The following EIF4B variants were observed in gnomAD, a reference collection of about 807,000 sequenced individuals.
EIF4B encodes eukaryotic translation initiation factor 4B.
In EIF4B, 8 loss-of-function variants were observed where a neutral mutation model predicts 79.3. That is an observed-to-expected ratio of 0.10 (90% CI 0.06 to 0.18). The LOEUF (loss-of-function observed/expected upper bound fraction) is 0.18. EIF4B is among the 10% of genes least tolerant of loss of function. The probability of loss-of-function intolerance (pLI) is 1.00; values close to 1 mark genes in which losing one functional copy is unlikely to be tolerated. For missense variants in EIF4B, 515 were observed against 792.4 expected, an observed-to-expected ratio of 0.65 and a Z score of 4.20; for synonymous variants, 238 against 274.7, an observed-to-expected ratio of 0.87 and a Z score of 1.32.
chr12:53,033,779 T>C, intron 8 of EIF4B, 27 bp from the exon 9 acceptor site: 1 of 1,562,096 alleles, frequency 6.4e-7, no homozygotes, highest in Non-Finnish European at 8.6e-7. Context: ...ATTGGAAAAC[T>C]ATTACTTAAA....
chr12:53,025,741 A>G (rs761511965), intron 6 of EIF4B, among the ~76,000 whole-genome samples: 1 of 152,180 alleles, frequency 6.6e-6, no homozygotes, highest in Non-Finnish European at 1.5e-5. Flanking sequence ...ATACCAGGAA[A>G]TGTTATGTCT....
rs1369643306 is a variant in EIF4B, at chr12:53,016,505, T to G, written c.46T>G (p.Ser16Ala). 6.2e-7 allele frequency: 1 copy of G among 1,612,936 alleles called. No individual in the cohort carries two copies. The change falls in exon 2 of 15, where the codon TCC becomes GCC. Residue 16 changes from serine (S) to alanine (A), a missense_variant. Ser to Ala is a moderately conservative substitution (Grantham distance 99). This residue lies in a region of EIF4B where 105 missense variants were observed against 177.2 expected (regional missense o/e 0.59). Transcript: ENST00000262056. Reference protein sequence around the residue: ...KKKNKKGKTISLTDFLAEDGG... With the variant: ...KKKNKKGKTIALTDFLAEDGG... Reference sequence around the variant, plus strand: ...GAAGAATAAGAAGGGGAAGACTATCTCCCTAACAGACTTTCTGGCTGAGGA... The same window carrying G: ...GAAGAATAAGAAGGGGAAGACTATCGCCCTAACAGACTTTCTGGCTGAGGA...
intron 4 of EIF4B, 26 bp downstream of exon 4, chr12:53,020,052 G>A (rs761357071): frequency 1.3e-6 from 2 of 1,567,748 alleles, no homozygotes; most frequent in Admixed American, 1.9e-5. Context: ...GTGGGGATAT[G>A]AGGGGTGTAA....
intron 8 of EIF4B, 106 bp downstream of exon 8, chr12:53,028,294 A>T (rs1428021350): frequency 7.1e-7 from 1 of 1,415,942 alleles, no homozygotes; most frequent in Non-Finnish European, 9.4e-7. Context: ...TATAATTTGC[A>T]CATTGTACAG....
intron 1 of EIF4B, among the ~76,000 whole-genome samples, chr12:53,006,969 A>G (rs1452293949): frequency 1.5e-5 from 2 of 134,940 alleles, no homozygotes; most frequent in Non-Finnish European, 3.2e-5. Flanking sequence ...GAGCAGTTGG[A>G]ACGCGAGCGC....
intron 1 of EIF4B, among the ~76,000 whole-genome samples, chr12:53,014,133 AG>A (rs1340712050): frequency 4.0e-5 from 6 of 151,866 alleles, no homozygotes; most frequent in African/African-American, 1.2e-4. Flanking sequence ...CTGCAAAAAA[AG>A]AAAAAAGAAA....
chr12:53,027,986 G>A (rs757571609), intron 7 of EIF4B, 29 bp from the exon 8 acceptor site: 13 of 1,607,760 alleles, frequency 8.1e-6, no homozygotes, highest in African/African-American at 6.7e-5. Flanking sequence ...CCTCCGCTGT[G>A]ATGATTATAA....
In EIF4B at chr12:53,037,501, C is replaced by T; in HGVS notation, c.1399C>T (p.Pro467Ser). Residue 467 changes from proline to serine, a missense_variant, in exon 11 of 15, where the codon CCT becomes TCT. Transcript: ENST00000262056. ...CTCTCCAACTTCTAAACCTCCCAAACCTGATCAGCCCCTAAAGGTAATGCC... is the reference window on the plus strand; with the variant it reads ...CTCTCCAACTTCTAAACCTCCCAAATCTGATCAGCCCCTAAAGGTAATGCC... ...CHSPTSKPPK[P>S]DQPLKVMPAP... is the part of the protein sequence containing the mutation. 1 of 1,613,884 alleles carries T rather than the reference C, an allele frequency of 6.2e-7. No homozygotes were observed. The highest frequency in any genetic ancestry group is 8.5e-7 in the Non-Finnish European group (1 of 1,179,824).
In EIF4B at chr12:53,022,494, C is replaced by T. The variant is rs754723856; in HGVS notation, c.534C>T (p.Asp178=). ...VDVADQAQDK[D]RDDRSFGRDR... is the part of the protein sequence containing the mutation. ...GTTTTTGTTTTAATGTATCTGTAGA[C>T]AGGGATGATCGTTCTTTTGGCCGTG... is the stretch of plus-strand genomic sequence containing the variant. Residue 178 remains aspartate, a splice_region_variant and synonymous_variant, in exon 6 of 15, where the codon GAC becomes GAT. Transcript: ENST00000262056. 7.4e-6 allele frequency: 12 copies of T among 1,612,932 alleles called. No homozygotes were observed. Among genetic ancestry groups the T allele is most frequent in the Non-Finnish European group, 1.0e-5 (12 of 1,179,772 alleles).
At chr12:53,007,395 G>T (rs965155954) in intron 1 of EIF4B, among the ~76,000 whole-genome samples, 3 of 146,188 alleles carry the variant, frequency 2.1e-5, no homozygotes, top group Non-Finnish European at 4.5e-5. Flanking sequence ...GTTGAATTTG[G>T]ATAGCTCCAA....
chr12:53,019,369 A>G (rs542457850), intron 3 of EIF4B, among the ~76,000 whole-genome samples: 142 of 150,940 alleles, frequency 9.4e-4, no homozygotes, highest in African/African-American at 3.2e-3. Flanking sequence ...ATTGCACTCC[A>G]GCCTGGGCAA....
rs1432418901 is a variant in EIF4B, at chr12:53,040,507, T to G, written c.*284T>G. On this transcript the variant is annotated 3_prime_UTR_variant, in exon 15 of 15. Coordinates refer to ENST00000262056, the MANE Select transcript of EIF4B (RefSeq NM_001417.7). ...GTCACCATGCAGTTGCCAGTGTGAT[T>G]AGTGCCTAGGGGTCTCCATTTAGCA... is the stretch of plus-strand genomic sequence containing the variant. 3.0e-6 allele frequency: 1 copy of G among 330,090 alleles called. No individual in the cohort carries two copies. The allele number at this position is 330,090 out of a possible 1,614,324, so 20.4% of individuals were successfully genotyped here.
At chr12:53,033,082 C>T (rs184751827) in intron 8 of EIF4B, among the ~76,000 whole-genome samples, 1 of 151,914 alleles carries the variant, frequency 6.6e-6, no homozygotes, top group Admixed American at 6.6e-5. Context: ...TGCAGTGGTG[C>T]GATCCTGGCT....
intron 1 of EIF4B, among the ~76,000 whole-genome samples, chr12:53,008,238 G>C (rs373980632): frequency 5.3e-5 from 8 of 152,146 alleles, no homozygotes; most frequent in African/African-American, 1.9e-4. Flanking sequence ...CATGTCCTTC[G>C]TTTTACCGAG....
chr12:53,017,308 G>T (rs1405703871), intron 2 of EIF4B, among the ~76,000 whole-genome samples: 4 of 151,842 alleles, frequency 2.6e-5, no homozygotes, highest in Non-Finnish European at 5.9e-5. Flanking sequence ...TTTACTCAGA[G>T]CCAAGGAATA....
chr12:53,010,872 C>T (rs10876395), intron 1 of EIF4B, among the ~76,000 whole-genome samples: 2 of 151,972 alleles, frequency 1.3e-5, no homozygotes, highest in Non-Finnish European at 2.9e-5. Flanking sequence ...CACACCTGGC[C>T]TAAAGTAGCT....
chr12:53,039,418 C>A, intron 13 of EIF4B, 75 bp downstream of exon 13: 1 of 1,315,174 alleles, frequency 7.6e-7, no homozygotes, highest in Non-Finnish European at 1.1e-6. Context: ...TCTTGGTTCT[C>A]AGAGCACTGC....
Position 53,039,511 on chromosome 12 carries a change from GACA to G in EIF4B, c.1683-114_1683-112del. On this transcript the variant is annotated intron_variant, in intron 13 of 14. Transcript: ENST00000262056. Reference sequence around the variant, plus strand: ...AAATCTAGAAGTAATACATCATCCAGACAACAAGGACTGTTGACTAGAGGTGCC... The same window carrying G: ...AAATCTAGAAGTAATACATCATCCAGACAAGGACTGTTGACTAGAGGTGCC... 7 of 1,315,618 alleles carry G rather than the reference GACA, an allele frequency of 5.3e-6. No individual in the cohort carries two copies. In the South Asian group the frequency reaches 9.5e-5, roughly 18 times the overall value. The allele number at this position is 1,315,618 out of a possible 1,614,324, so 81.5% of individuals were successfully genotyped here.
At chr12:53,038,239 T>G in intron 11 of EIF4B, 117 bp from the exon 12 acceptor site, 2 of 782,856 alleles carry the variant, frequency 2.6e-6, no homozygotes, top group Non-Finnish European at 3.9e-6. Flanking sequence ...TTCCATAACA[T>G]TGAGTATGAT....
Sources: allele counts gnomAD v4.1 joint callset (sites outside exome capture counted in the v4.1 genomes callset), GRCh38; gene constraint gnomAD v4.1.1; regional missense constraint gnomAD v4.1.1; transcripts MANE v1.5; gene names NCBI Gene and HGNC (gene_info 2026-07-23, HGNC 2026-07-21).